Variants in PDE4D observed in about 807,000 individuals in gnomAD.
PDE4D encodes 3',5'-cyclic-AMP phosphodiesterase 4D.
In PDE4D, 24 loss-of-function variants were observed where a neutral mutation model predicts 87.4. That is an observed-to-expected ratio of 0.27 (90% CI 0.20 to 0.39). PDE4D has a LOEUF of 0.39. PDE4D is among the 10% of genes least tolerant of loss of function. PDE4D has a pLI of 1.00. For synonymous variants in PDE4D, 384 were observed against 383.2 expected, an observed-to-expected ratio of 1.00 and a Z score of -0.02; for missense variants, 714 against 1,041.0, an observed-to-expected ratio of 0.69 and a Z score of 4.32.
At chr5:59,394,135 G>C (rs1398975558) in intron 1 of PDE4D, among the ~76,000 whole-genome samples, 1 of 142,840 alleles carries the variant, frequency 7.0e-6, no homozygotes, top group East Asian at 2.1e-4. Flanking sequence ...AGCAGTCCAA[G>C]ACCCACAGAG....
intron 2 of PDE4D, among the ~76,000 whole-genome samples, chr5:60,040,368 C>T (rs1314196810): frequency 1.3e-5 from 2 of 152,154 alleles, no homozygotes; most frequent in Non-Finnish European, 2.9e-5. Context: ...ACTCTCTCAC[C>T]AATTTCCCCT....
At chr5:59,024,200 C>CA (rs1554049126) in intron 6 of PDE4D, among the ~76,000 whole-genome samples, 2 of 114,858 alleles carry the variant, frequency 1.7e-5, no homozygotes, top group Non-Finnish European at 3.4e-5. Context: ...CTGAATTCTA[C>CA]TTTTTTTTTT....
intron 1 of PDE4D, among the ~76,000 whole-genome samples, chr5:60,484,393 G>A (rs1748972553): frequency 6.6e-6 from 1 of 152,094 alleles, no homozygotes; most frequent in Non-Finnish European, 1.5e-5. Context: ...CTGTTTGAGG[G>A]AAGCAAACAT....
chr5:59,735,006 T>C (rs555168180), intron 1 of PDE4D, among the ~76,000 whole-genome samples: 1 of 152,310 alleles, frequency 6.6e-6, no homozygotes, highest in East Asian at 1.9e-4. Context: ...ACCCTATTAA[T>C]CCTATATTGA....
chr5:59,170,388 T>C lies in PDE4D; in HGVS notation c.808+10207A>G, dbSNP rs74719651. ...GTCATAGGCTCAATAATCCATAAAATGCTGCCCTATGTGAGAGATATTATT... is the reference window on the plus strand; with the variant it reads ...GTCATAGGCTCAATAATCCATAAAACGCTGCCCTATGTGAGAGATATTATT... On this transcript the variant is annotated intron_variant, in intron 5 of 14. Transcript: ENST00000340635. 6.8e-3 allele frequency among the ~76,000 whole-genome samples: 1,038 copies of C among 152,270 alleles called. 12 individuals carry two copies. Among genetic ancestry groups the C allele is most frequent in the African/African-American group, 0.024 (984 of 41,534 alleles).
At chr5:59,473,055 C>T (rs1223517192) in intron 1 of PDE4D, among the ~76,000 whole-genome samples, 3 of 141,898 alleles carry the variant, frequency 2.1e-5, no homozygotes, top group African/African-American at 8.1e-5. Context: ...TATAGTTATA[C>T]CCAGTTTGAA....
chr5:59,696,777 T>A (rs1012007101), intron 1 of PDE4D, among the ~76,000 whole-genome samples: 1 of 152,214 alleles, frequency 6.6e-6, no homozygotes, highest in Non-Finnish European at 1.5e-5. Context: ...TATTATTTTT[T>A]TAAGTTCCTT....
chr5:59,762,890 T>G (rs1207187559), intron 1 of PDE4D, among the ~76,000 whole-genome samples: 38 of 124,586 alleles, frequency 3.1e-4, no homozygotes, highest in African/African-American at 1.1e-3. Context: ...TATATATATA[T>G]ATAGCTTGCT....
At chr5:60,100,891 G>C (rs1231424160) in intron 2 of PDE4D, among the ~76,000 whole-genome samples, 1 of 152,016 alleles carries the variant, frequency 6.6e-6, no homozygotes, top group East Asian at 1.9e-4. Flanking sequence ...TAACCTTCTA[G>C]GTGTTTTAAA....
chr5:59,306,563 T>C (rs1004045885), intron 1 of PDE4D, among the ~76,000 whole-genome samples: 2 of 152,080 alleles, frequency 1.3e-5, no homozygotes, highest in East Asian at 1.9e-4. Flanking sequence ...TATACACCAA[T>C]AACAGACAAA....
chr5:59,603,808 T>C (rs572071117), intron 1 of PDE4D, among the ~76,000 whole-genome samples: 1 of 152,042 alleles, frequency 6.6e-6, no homozygotes, highest in East Asian at 1.9e-4. Flanking sequence ...TTCAGTTAGA[T>C]AAGAAAAATA....
intron 1 of PDE4D, among the ~76,000 whole-genome samples, chr5:60,352,137 A>C (rs1317758700): frequency 6.6e-6 from 1 of 151,958 alleles, no homozygotes; most frequent in Non-Finnish European, 1.5e-5. Context: ...ATTGTGAACT[A>C]AATTCTCCTA....
intron 1 of PDE4D, among the ~76,000 whole-genome samples, chr5:59,747,872 A>C (rs561796174): frequency 3.3e-5 from 5 of 152,268 alleles, no homozygotes; most frequent in African/African-American, 9.6e-5. Flanking sequence ...TTGCTCCTGC[A>C]ATTGTCCCCA....
At chr5:60,209,199 T>C (rs916817787) in intron 1 of PDE4D, among the ~76,000 whole-genome samples, 70 of 148,970 alleles carry the variant, frequency 4.7e-4, no homozygotes, top group African/African-American at 1.7e-3. Context: ...TTTTTTTTTT[T>C]TTTTTTTTTT....
chr5:59,049,486 T>A lies in PDE4D; in HGVS notation c.809-10515A>T, dbSNP rs535715912. 2.6e-5 allele frequency among the ~76,000 whole-genome samples: 4 copies of A among 152,258 alleles called. No individual in the cohort carries two copies. In the East Asian group the frequency reaches 7.7e-4, roughly 29 times the overall value. ...GGTAATGGTCAAGCAGATCATGGTGTCTTACTGAAGTGAAATATTAACATT... is the reference window on the plus strand; with the variant it reads ...GGTAATGGTCAAGCAGATCATGGTGACTTACTGAAGTGAAATATTAACATT... On this transcript the variant is annotated intron_variant, in intron 5 of 14. Transcript: ENST00000340635.
intron 1 of PDE4D, among the ~76,000 whole-genome samples, chr5:59,548,185 T>G (rs1217536918): frequency 6.6e-6 from 1 of 152,218 alleles, no homozygotes; most frequent in African/African-American, 2.4e-5. Flanking sequence ...TAAGTCGGCT[T>G]AAATTCAGTT....
chr5:59,363,378 C>T (rs1356101912), intron 1 of PDE4D, among the ~76,000 whole-genome samples: 1 of 152,098 alleles, frequency 6.6e-6, no homozygotes, highest in African/African-American at 2.4e-5. Flanking sequence ...GTAACTTGCC[C>T]CTATGATCAT....
In PDE4D at chr5:60,058,999, AT is replaced by A. The variant is rs548909706; in HGVS notation, c.43-70283del. Among the ~76,000 whole-genome samples, 9 of 149,092 alleles carry A rather than the reference AT, an allele frequency of 6.0e-5. No homozygotes were observed. The South Asian group carries it at 1.7e-3, about 28-fold the overall frequency. The stretch of plus-strand genomic sequence containing the variant: ...CTTCTTCAGGAAACTAGAAACATCA[AT>A]GAAATTAGAAGTTCTATCTATCTTT... On this transcript the variant is annotated intron_variant, in intron 2 of 16. Coordinates refer to the PDE4D transcript ENST00000502484.
chr5:59,969,349 G>C (rs1017594680), intron 3 of PDE4D, among the ~76,000 whole-genome samples: 1 of 152,134 alleles, frequency 6.6e-6, no homozygotes, highest in Non-Finnish European at 1.5e-5. Flanking sequence ...GATGGGAGAA[G>C]AAAACAAATT....
Sources: gnomAD v4.1 joint callset for allele counts (sites outside exome capture counted in the v4.1 genomes callset) on GRCh38, gnomAD v4.1.1 for gene constraint, MANE v1.5 for transcripts, NCBI Gene and HGNC (gene_info 2026-07-23, HGNC 2026-07-21) for gene names.